The following ATAD2B variants were observed in gnomAD, a reference collection of about 807,000 sequenced individuals.
The protein encoded by ATAD2B is ATPase family AAA domain-containing protein 2B.
In ATAD2B, 40 loss-of-function variants were observed where a neutral mutation model predicts 167.6. The observed-to-expected ratio is 0.24, with a 90% CI of 0.19 to 0.31. The LOEUF (loss-of-function observed/expected upper bound fraction) is 0.31. ATAD2B is among the 10% of genes least tolerant of loss of function. The pLI, the probability that ATAD2B is intolerant of heterozygous loss-of-function variation, is 1.00. For missense variants in ATAD2B, 1,242 were observed against 1,757.2 expected (o/e 0.71, Z 5.24); for synonymous variants, 579 against 596.5 (o/e 0.97, Z 0.43).
intron 22 of ATAD2B, among the ~76,000 whole-genome samples, chr2:23,767,487 T>C (rs1364067079): frequency 6.6e-6 from 1 of 152,226 alleles, no homozygotes. Flanking sequence ...ATTCAAGTGC[T>C]TTTTGAGGTA....
intron 6 of ATAD2B, among the ~76,000 whole-genome samples, chr2:23,882,374 T>C (rs934493482): frequency 6.6e-6 from 1 of 151,756 alleles, no homozygotes; most frequent in African/African-American, 2.4e-5. Flanking sequence ...TTTTGTATTG[T>C]TGGTAGAGAC....
the ATAD2B span, among the ~76,000 whole-genome samples, chr2:23,737,760 A>T: frequency 6.6e-6 from 1 of 152,232 alleles, no homozygotes; most frequent in Non-Finnish European, 1.5e-5. Context: ...GAGCTACAGG[A>T]GGAAATTCAA....
At chr2:23,730,539 AC>A in the ATAD2B span, among the ~76,000 whole-genome samples, 1 of 151,412 alleles carries the variant, frequency 6.6e-6, no homozygotes. Context: ...GGTGGTGGGC[AC>A]CTGTAGTCCC....
At chr2:23,898,300 G>A (rs1700379674) in intron 1 of ATAD2B, among the ~76,000 whole-genome samples, 1 of 152,162 alleles carries the variant, frequency 6.6e-6, no homozygotes, top group East Asian at 1.9e-4. Context: ...TCTAAGGGAG[G>A]CCACTGCATC....
chr2:23,924,898 G>T (rs2150734201), intron 1 of ATAD2B, among the ~76,000 whole-genome samples: 1 of 152,258 alleles, frequency 6.6e-6, no homozygotes, highest in African/African-American at 2.4e-5. Context: ...CTCGGGGGGT[G>T]AGGACAGCAT....
At chr2:23,703,955 T>G in the ATAD2B span, 1 of 1,372,408 alleles carries the variant, frequency 7.3e-7, no homozygotes, top group Non-Finnish European at 9.8e-7. Context: ...TCAGTGACCA[T>G]AGCAATTCCC....
At position 23,810,454 on chromosome 2, in the gene ATAD2B, A is replaced by T; in HGVS notation, c.2316T>A (p.Ser772=). Residue 772 remains serine (S), a synonymous_variant, in exon 18 of 28, where the codon TCT becomes TCA. Coordinates refer to ENST00000238789, the MANE Select transcript of ATAD2B (RefSeq NM_017552.4). ...PTSYRPRLLL[S]GERGSGQTSH... ...AAGTTTGACCTGAGCCCCGTTCTCC[A>T]GAGAGCAATAAGCGTGGCCTGTAAG... is the stretch of plus-strand genomic sequence containing the variant. The T allele has an allele frequency of 1.2e-6, 2 of 1,613,982 alleles. No individual in the cohort carries two copies. The highest frequency in any genetic ancestry group is 2.2e-5 in the South Asian group (2 of 91,086).
the ATAD2B span, among the ~76,000 whole-genome samples, chr2:23,711,590 C>T: frequency 2.0e-4 from 31 of 151,866 alleles, no homozygotes; most frequent in East Asian, 3.9e-4. Flanking sequence ...AGGCTGGTCT[C>T]GAATTCCTGA....
chr2:23,769,870 G>A (rs1202762463), intron 22 of ATAD2B, among the ~76,000 whole-genome samples: 2 of 151,386 alleles, frequency 1.3e-5, no homozygotes, highest in African/African-American at 2.4e-5. Flanking sequence ...ATTTAGTAGA[G>A]ACAGGGATTC....
At chr2:23,818,955 T>C (rs1687017630) in intron 17 of ATAD2B, among the ~76,000 whole-genome samples, 1 of 152,258 alleles carries the variant, frequency 6.6e-6, no homozygotes, top group Admixed American at 6.5e-5. Flanking sequence ...ATAATGTTTC[T>C]AGAAAATCAA....
chr2:23,854,634 T>C (rs1693081110), intron 13 of ATAD2B, among the ~76,000 whole-genome samples: 2 of 146,034 alleles, frequency 1.4e-5, no homozygotes, highest in Non-Finnish European at 3.0e-5. Context: ...GCCAAGATCG[T>C]GCCATTGCAC....
At chr2:23,809,604 TCTAA>T (rs1220952085) in intron 18 of ATAD2B, among the ~76,000 whole-genome samples, 2 of 152,178 alleles carry the variant, frequency 1.3e-5, no homozygotes, top group African/African-American at 4.8e-5. Flanking sequence ...CATTCCTCTC[TCTAA>T]CTTATTTATT....
chr2:23,734,049 T>C, the ATAD2B span, among the ~76,000 whole-genome samples: 1 of 152,212 alleles, frequency 6.6e-6, no homozygotes, highest in African/African-American at 2.4e-5. Flanking sequence ...TAAGATAACT[T>C]ATCCTCAGGG....
chr2:23,751,926 G>A lies in ATAD2B; in HGVS notation c.*120C>T, dbSNP rs1675394918. ...CAAATTCAACAGAGAGAAAGAATGA[G>A]TGAGAGAGCACTTTACACCAAGGCT... On this transcript the variant is annotated 3_prime_UTR_variant, in exon 28 of 28. Coordinates refer to ENST00000238789, the MANE Select transcript of ATAD2B (RefSeq NM_017552.4). 1.2e-6 allele frequency: 1 copy of A among 802,302 alleles called. No individual in the cohort carries two copies. 49.7% of individuals were successfully genotyped at this position (802,302 alleles called of 1,614,324 possible). A position where few individuals can be genotyped will look rare whatever the true frequency, so the allele number is the denominator to read the frequency against.
chr2:23,882,792 A>G (rs910745030), intron 6 of ATAD2B, among the ~76,000 whole-genome samples: 3 of 151,780 alleles, frequency 2.0e-5, no homozygotes, highest in African/African-American at 7.3e-5. Context: ...CCTGGGCAAC[A>G]GAGCGAGACT....
the ATAD2B span, among the ~76,000 whole-genome samples, chr2:23,739,085 C>A: frequency 6.6e-6 from 1 of 152,258 alleles, no homozygotes; most frequent in Non-Finnish European, 1.5e-5. Flanking sequence ...ACTTACACTC[C>A]CACCCAATAA....
the ATAD2B span, chr2:23,707,336 T>G: frequency 2.0e-5 from 3 of 152,242 alleles, no homozygotes; most frequent in African/African-American, 7.2e-5. Context: ...TGCGCTAGCT[T>G]TCTCTTACCC....
the ATAD2B span, among the ~76,000 whole-genome samples, chr2:23,737,467 C>G: frequency 6.6e-5 from 10 of 152,218 alleles, no homozygotes; most frequent in Non-Finnish European, 1.5e-4. Context: ...CAAACTCCAA[C>G]AGACCTGCAG....
At chr2:23,897,360 G>T (rs1700276860) in intron 1 of ATAD2B, among the ~76,000 whole-genome samples, 1 of 152,078 alleles carries the variant, frequency 6.6e-6, no homozygotes, top group Non-Finnish European at 1.5e-5. Context: ...CTTTGTATTT[G>T]ATGTATACAT....
Sources: gnomAD v4.1 joint callset for allele counts (sites outside exome capture counted in the v4.1 genomes callset) on GRCh38, gnomAD v4.1.1 for gene constraint, MANE v1.5 for transcripts, NCBI Gene and HGNC (gene_info 2026-07-23, HGNC 2026-07-21) for gene names.